The following MEGF11 variants were observed in gnomAD, a reference collection of about 807,000 sequenced individuals.
The protein encoded by MEGF11 is multiple epidermal growth factor-like domains protein 11.
MEGF11 carries 126 observed loss-of-function variants against 146.6 expected under a neutral mutation model. The observed-to-expected ratio is 0.86, with a 90% CI of 0.74 to 1.00. The LOEUF (loss-of-function observed/expected upper bound fraction) is 1.00, where lower values mean the gene tolerates loss of function less well. MEGF11 is among the 50% of genes least tolerant of loss of function. MEGF11 has a pLI of 0.00. For synonymous variants in MEGF11, 532 were observed against 583.4 expected (o/e 0.91, Z 1.27); for missense variants, 1,509 against 1,521.2 (o/e 0.99, Z 0.13).
chr15:66,155,256 C>T (rs1300729274), intron 1 of MEGF11, among the ~76,000 whole-genome samples: 2 of 151,844 alleles, frequency 1.3e-5, no homozygotes, highest in Non-Finnish European at 2.9e-5. Flanking sequence ...ATGGTGATGC[C>T]CCCCACCCCC....
At chr15:66,243,761 G>A (rs2092253911) in intron 1 of MEGF11, among the ~76,000 whole-genome samples, 1 of 152,058 alleles carries the variant, frequency 6.6e-6, no homozygotes, top group African/African-American at 2.4e-5. Context: ...GTCAGGCAGG[G>A]GAAGGACAGG....
At chr15:65,992,450 T>TGGG (rs11355219) in intron 5 of MEGF11, among the ~76,000 whole-genome samples, 1,345 of 126,398 alleles carry the variant, frequency 0.011, 17 homozygotes, top group East Asian at 0.038. Flanking sequence ...TGTGTGTGTG[T>TGGG]GGGGGGGGGG....
intron 15 of MEGF11, among the ~76,000 whole-genome samples, chr15:65,919,221 A>G (rs971687910): frequency 1.4e-4 from 22 of 152,314 alleles, no homozygotes; most frequent in Non-Finnish European, 1.9e-4. Flanking sequence ...AATACAGGCA[A>G]TGGTGGACCA....
intron 1 of MEGF11, among the ~76,000 whole-genome samples, chr15:66,187,124 GTTCCTTCT>G (rs957662596): frequency 2.6e-5 from 4 of 152,244 alleles, no homozygotes; most frequent in Non-Finnish European, 5.9e-5. Flanking sequence ...GTTAATGTTT[GTTCCTTCT>G]TTCCAATTCC....
At chr15:66,207,242 C>A (rs1002328697) in intron 1 of MEGF11, among the ~76,000 whole-genome samples, 1 of 152,142 alleles carries the variant, frequency 6.6e-6, no homozygotes, top group East Asian at 1.9e-4. Flanking sequence ...GAGATCCACA[C>A]CTAGACACAT....
chr15:66,104,187 A>G (rs1295199388), intron 4 of MEGF11, among the ~76,000 whole-genome samples: 1 of 152,254 alleles, frequency 6.6e-6, no homozygotes, highest in African/African-American at 2.4e-5. Flanking sequence ...TGTGCTCCAC[A>G]TGGGGCTGAT....
At chr15:66,117,403 A>G (rs866323577) in intron 4 of MEGF11, among the ~76,000 whole-genome samples, 1 of 152,152 alleles carries the variant, frequency 6.6e-6, no homozygotes. Flanking sequence ...AGTAAGTCGG[A>G]AGGTATAAAC....
At chr15:66,071,038 C>T (rs1048988367) in intron 5 of MEGF11, among the ~76,000 whole-genome samples, 1 of 151,930 alleles carries the variant, frequency 6.6e-6, no homozygotes, top group Admixed American at 6.6e-5. Context: ...TTAGAGACTG[C>T]GTTGTCCCAT....
chr15:66,191,735 A>T (rs1240227700), intron 1 of MEGF11, among the ~76,000 whole-genome samples: 1 of 152,106 alleles, frequency 6.6e-6, no homozygotes, highest in East Asian at 1.9e-4. Flanking sequence ...TCTTGATTTC[A>T]AAGGCCTGGG....
At chr15:65,945,176 G>A (rs542683919) in intron 10 of MEGF11, among the ~76,000 whole-genome samples, 26 of 152,332 alleles carry the variant, frequency 1.7e-4, no homozygotes, top group Admixed American at 1.4e-3. Flanking sequence ...GATTGCAGGC[G>A]TGAGCCACCG....
intron 7 of MEGF11, among the ~76,000 whole-genome samples, chr15:65,980,453 G>A (rs1847534886): frequency 7.0e-6 from 1 of 142,368 alleles, no homozygotes; most frequent in South Asian, 2.2e-4. Flanking sequence ...GCCCAGGCTG[G>A]AGTGCAGCAA....
intron 1 of MEGF11, among the ~76,000 whole-genome samples, chr15:66,171,641 T>C (rs2090258973): frequency 2.6e-5 from 4 of 151,920 alleles, no homozygotes; most frequent in Admixed American, 1.3e-4. Flanking sequence ...TAAAACCACA[T>C]GGGGACTCCT....
chr15:66,242,626 G>T (rs753341100), intron 1 of MEGF11, among the ~76,000 whole-genome samples: 1 of 152,080 alleles, frequency 6.6e-6, no homozygotes, highest in African/African-American at 2.4e-5. Flanking sequence ...TAAGCAGTAG[G>T]AAAGGGCAAG....
intron 5 of MEGF11, among the ~76,000 whole-genome samples, chr15:66,071,814 T>C (rs2085379918): frequency 6.6e-6 from 1 of 152,208 alleles, no homozygotes; most frequent in Admixed American, 6.5e-5. Flanking sequence ...TGCCCATAGT[T>C]CTTTTGCTGA....
intron 5 of MEGF11, among the ~76,000 whole-genome samples, chr15:66,001,899 C>T (rs927503006): frequency 1.3e-5 from 2 of 152,160 alleles, no homozygotes; most frequent in Non-Finnish European, 2.9e-5. Context: ...CTCAGGTGCA[C>T]AATCAAAAGG....
intron 5 of MEGF11, among the ~76,000 whole-genome samples, chr15:66,070,915 T>C (rs2085337820): frequency 6.6e-6 from 1 of 152,022 alleles, no homozygotes; most frequent in South Asian, 2.1e-4. Flanking sequence ...TATAGGAACA[T>C]ATTAAAGGGA....
At chr15:65,990,475 T>C (rs1340082204) in intron 5 of MEGF11, among the ~76,000 whole-genome samples, 1 of 151,014 alleles carries the variant, frequency 6.6e-6, no homozygotes, top group African/African-American at 2.4e-5. Flanking sequence ...TGCTTGGGCC[T>C]GAGAGGTCGG....
At chr15:66,063,414 G>T (rs1249635022) in intron 5 of MEGF11, among the ~76,000 whole-genome samples, 9 of 152,192 alleles carry the variant, frequency 5.9e-5, no homozygotes, top group African/African-American at 1.9e-4. Flanking sequence ...CTTGCCAGGG[G>T]TCCCTCCCAA....
intron 5 of MEGF11, among the ~76,000 whole-genome samples, chr15:65,985,596 C>A (rs960791185): frequency 6.6e-6 from 1 of 152,142 alleles, no homozygotes; most frequent in African/African-American, 2.4e-5. Flanking sequence ...CTGGCACAGC[C>A]AAAACCCAGT....
Sources: gnomAD v4.1 joint callset for allele counts (sites outside exome capture counted in the v4.1 genomes callset) on GRCh38, gnomAD v4.1.1 for gene constraint, MANE v1.5 for transcripts, NCBI Gene and HGNC (gene_info 2026-07-23, HGNC 2026-07-21) for gene names.